AGRN: variants seen among roughly 807,000 people sequenced by gnomAD.
The protein encoded by AGRN is agrin proteoglycan.
A neutral mutation model predicts 211.0 loss-of-function variants in AGRN; 106 were observed. The ratio of observed to expected loss-of-function variants is 0.50; its 90% CI spans 0.43 to 0.59. AGRN has a LOEUF of 0.59. Ranked by LOEUF, AGRN falls within the 20% of genes least tolerant of loss-of-function variation. AGRN has a pLI of 0.00. For synonymous variants in AGRN, 1,525 were observed against 1,332.5 expected, an observed-to-expected ratio of 1.14 and a Z score of -3.15; for missense variants, 3,040 against 2,982.6, an observed-to-expected ratio of 1.02 and a Z score of -0.45.
In AGRN at chr1:1,049,448, C is replaced by T. The variant is rs1295621066; in HGVS notation, c.4511C>T (p.Ala1504Val). ...GGCGGCGTACCCGAGGACCAGGCTG[C>T]CGTGTGAGTCCCTTGGAGGGTGGTG... is the stretch of plus-strand genomic sequence containing the variant. ...FVGGVPEDQAAVALERTFVGA... is the reference protein window; with the variant it reads ...FVGGVPEDQAVVALERTFVGA... The change falls in exon 25 of 36, where the codon GCC becomes GTC. Residue 1504 changes from alanine (A) to valine (V), a missense_variant. Coordinates refer to ENST00000379370, the MANE Select transcript of AGRN (RefSeq NM_198576.4). 3 of 1,599,724 alleles carry T rather than the reference C, an allele frequency of 1.9e-6. No individual in the cohort carries two copies. In the African/African-American group the frequency reaches 4.0e-5, roughly 21 times the overall value.
At position 1,048,240 on chromosome 1, in the gene AGRN, A is replaced by G. The variant is rs1003669803; in HGVS notation, c.3980A>G (p.Gln1327Arg). 25 of 1,543,920 alleles carry G rather than the reference A, an allele frequency of 1.6e-5. No individual in the cohort carries two copies. The highest frequency in any genetic ancestry group is 1.9e-5 in the Non-Finnish European group (22 of 1,143,598). Residue 1327 changes from glutamine (Q) to arginine (R), a missense_variant, in exon 23 of 36, where the codon CAG becomes CGG. By Grantham distance (43) the Gln-to-Arg change is conservative. Around this residue, in one of 3 missense-constraint regions of AGRN, gnomAD observed 1,537 missense variants for 1,505.0 expected, o/e 1.02. Coordinates refer to ENST00000379370, the MANE Select transcript of AGRN (RefSeq NM_198576.4). The surrounding 1 kb of genome is among the most constrained non-coding windows in gnomAD (Gnocchi z 5.9). The stretch of plus-strand genomic sequence containing the variant: ...CCCGGACGTCGGCCCCCGGCCCCCC[A>G]GCAGCCTCCAAAGCCCTGTGACTCA... ...RVPGRRPPAP[Q>R]QPPKPCDSQP...
intron 3 of AGRN, among the ~76,000 whole-genome samples, chr1:1,038,390 A>G (rs965905428): frequency 6.6e-6 from 1 of 152,208 alleles, no homozygotes; most frequent in South Asian, 2.1e-4. Context: ...CCTGTCCCTA[A>G]GGTACCTCTA....
intron 2 of AGRN, chr1:1,034,559 C>T (rs1644754432): frequency 2.0e-6 from 2 of 986,424 alleles, no homozygotes; most frequent in Non-Finnish European, 2.4e-6. Context: ...CCGGGCCATG[C>T]CTCCGCTGCC....
chr1:1,051,618 G>A lies in AGRN; in HGVS notation c.5536G>A (p.Gly1846Arg). Residue 1846 changes from glycine to arginine, a missense_variant, in exon 32 of 36, where the codon GGA (glycine) becomes AGA (arginine). Coordinates refer to ENST00000379370, the MANE Select transcript of AGRN (RefSeq NM_198576.4). Reference sequence around the variant, plus strand: ...TGCCTATGTGTGCCTGTGTCCCGGGGGATTCTCAGGACCGCACTGCGAGAA... The same window carrying A: ...TGCCTATGTGTGCCTGTGTCCCGGGAGATTCTCAGGACCGCACTGCGAGAA... ...EAAYVCLCPGGFSGPHCEKGL... is the reference protein window; with the variant it reads ...EAAYVCLCPGRFSGPHCEKGL... The A allele has an allele frequency of 6.2e-7, 1 of 1,610,072 alleles. No homozygotes were observed. Among genetic ancestry groups the A allele is most frequent in the Non-Finnish European group, 8.5e-7 (1 of 1,178,042 alleles).
In AGRN at chr1:1,047,339, T is replaced by G; in HGVS notation, c.3401T>G (p.Phe1134Cys). 1 of 1,605,112 alleles carries G rather than the reference T, an allele frequency of 6.2e-7. No individual in the cohort carries two copies. The highest frequency in any genetic ancestry group is 8.5e-7 in the Non-Finnish European group (1 of 1,176,288). The change falls in exon 20 of 36, where the codon TTC (phenylalanine) becomes TGC (cysteine). Residue 1134 changes from phenylalanine to cysteine, a missense_variant. By Grantham distance (205) the Phe-to-Cys change is radical. Around this residue, in one of 3 missense-constraint regions of AGRN, gnomAD observed 1,537 missense variants for 1,505.0 expected, o/e 1.02. Coordinates refer to ENST00000379370, the MANE Select transcript of AGRN (RefSeq NM_198576.4). ...EGSNCPATKV[F>C]QGVLELEGVE... ...ACCTCCCCCACAGCCACCAAGGTGT[T>G]CCAGGGCGTCCTGGAGCTGGAGGGC...
At chr1:1,030,367 T>A (rs1644636010) in intron 2 of AGRN, among the ~76,000 whole-genome samples, 1 of 117,530 alleles carries the variant, frequency 8.5e-6, no homozygotes, top group African/African-American at 3.2e-5. Flanking sequence ...TGGTGCTGTG[T>A]GAGATCAGCA....
At chr1:1,038,302 C>G (rs1401108471) in intron 3 of AGRN, among the ~76,000 whole-genome samples, 1 of 152,180 alleles carries the variant, frequency 6.6e-6, no homozygotes, top group Non-Finnish European at 1.5e-5. Context: ...AGTGCTCAGC[C>G]TGGCTTCAAG....
At position 1,051,802 on chromosome 1, in the gene AGRN, G is replaced by T. The variant is rs748433532; in HGVS notation, c.5638G>T (p.Ala1880Ser). Reference protein sequence around the residue: ...DGRTFVEYLNAVTESEKALQS... With the variant: ...DGRTFVEYLNSVTESEKALQS... The stretch of plus-strand genomic sequence containing the variant: ...GCGGACCTTTGTCGAGTACCTCAAC[G>T]CTGTGACCGAGAGGTAACGTGCCAT... Residue 1880 changes from alanine to serine, a missense_variant, in exon 33 of 36, where the codon GCT becomes TCT. Physicochemically the swap from Ala to Ser is moderately conservative, Grantham distance 99. Transcript: ENST00000379370. 23 of 1,613,598 alleles carry T rather than the reference G, an allele frequency of 1.4e-5. No homozygotes were observed. The South Asian group carries it at 2.4e-4, about 17-fold the overall frequency.
chr1:1,052,371 CTG>C (rs1035417514), intron 33 of AGRN: 99 of 340,288 alleles, frequency 2.9e-4, no homozygotes, highest in African/African-American at 2.0e-3. Context: ...GAATATCCAG[CTG>C]TGTGTGTGCA....
At chr1:1,054,601 T>G in intron 35 of AGRN, 50 bp downstream of exon 35, 3 of 1,546,578 alleles carry the variant, frequency 1.9e-6, no homozygotes, top group South Asian at 1.2e-5. Context: ...TCTCATGATA[T>G]CCGAGGGACA....
At chr1:1,054,326 A>G (rs1191839910) in intron 34 of AGRN, 122 bp from the exon 35 acceptor site, 1 of 923,788 alleles carries the variant, frequency 1.1e-6, no homozygotes, top group Non-Finnish European at 1.7e-6. Context: ...CCCAGGGGTG[A>G]TACCTCGGGG....
At chr1:1,030,258 AGC>A (rs1644633052) in intron 2 of AGRN, among the ~76,000 whole-genome samples, 2 of 80,172 alleles carry the variant, frequency 2.5e-5, no homozygotes, top group African/African-American at 5.5e-5. Flanking sequence ...CTGTGAGATC[AGC>A]GTGTGTGTGT....
At chr1:1,033,179 G>A (rs1644710948) in intron 2 of AGRN, among the ~76,000 whole-genome samples, 1 of 151,992 alleles carries the variant, frequency 6.6e-6, no homozygotes, top group Admixed American at 6.5e-5. Context: ...GCATGACCCC[G>A]CCCCGCGCGG....
intron 3 of AGRN, among the ~76,000 whole-genome samples, chr1:1,036,358 A>T (rs1280605315): frequency 6.6e-6 from 1 of 152,060 alleles, no homozygotes; most frequent in Non-Finnish European, 1.5e-5. Flanking sequence ...TCTGAAAGAT[A>T]GGGTGGGGTC....
chr1:1,050,884 C>T (rs1370104970), intron 30 of AGRN, 47 bp downstream of exon 30: 3 of 1,520,756 alleles, frequency 2.0e-6, no homozygotes, highest in African/African-American at 1.4e-5. Context: ...GCCTGCTCTT[C>T]CTCCTCGGGC....
At position 1,050,246 on chromosome 1, in the gene AGRN, C is replaced by T. The variant is rs139400715; in HGVS notation, c.4893C>T (p.Asp1631=). Residue 1631 remains aspartate, a synonymous_variant, in exon 28 of 36, where the codon GAC becomes GAT. Transcript: ENST00000379370. ...GTFCQTASGQ[D]GSGPFLADFN... ...CTCTCCCTACAGCCTCGGGGCAGGA[C>T]GGCTCTGGGCCCTTCCTGGCTGACT... The T allele has an allele frequency of 1.2e-3, 2,008 of 1,613,126 alleles. 23 individuals carry two copies. The African/African-American group carries it at 0.024, about 19-fold the overall frequency.
chr1:1,020,252 C>T lies in AGRN; in HGVS notation c.80C>T (p.Ala27Val). The T allele has an allele frequency of 6.9e-7, 1 of 1,457,156 alleles. No individual in the cohort carries two copies. The highest frequency in any genetic ancestry group is 9.1e-7 in the Non-Finnish European group (1 of 1,104,518). 90.3% of individuals were successfully genotyped at this position (1,457,156 alleles called of 1,614,324 possible). The change falls in exon 1 of 36, where the codon GCC becomes GTC. Residue 27 changes from alanine (A) to valine (V), a missense_variant. Ala to Val is a moderately conservative substitution (Grantham distance 64). This residue lies in a region of AGRN where 1,498 missense variants were observed against 1,457.8 expected (regional missense o/e 1.03). Transcript: ENST00000379370. Reference protein sequence around the residue: ...LVVAACVLPGAGGTCPERALE... With the variant: ...LVVAACVLPGVGGTCPERALE... ...GTGGCCGCGTGCGTCCTGCCCGGAG[C>T]CGGCGGGACATGCCCGGAGCGCGCG...
chr1:1,045,351 C>T lies in AGRN; in HGVS notation c.2372-8C>T, dbSNP rs1645060810. ...GCCACGTGACCTTGTCCTGCCCTGG[C>T]CTTTCAGGTGCCTGCCAGTGCAACC... On this transcript the variant is annotated splice_region_variant and splice_polypyrimidine_tract_variant and intron_variant, in intron 13 of 35. Transcript: ENST00000379370. The T allele has an allele frequency of 1.2e-6, 2 of 1,611,804 alleles. No individual in the cohort carries two copies. The highest frequency in any genetic ancestry group is 1.7e-6 in the Non-Finnish European group (2 of 1,179,916).
rs901495886 is a variant in AGRN, at chr1:1,047,086, C to T, written c.3388+129C>T. 78 of 1,446,764 alleles carry T rather than the reference C, an allele frequency of 5.4e-5. 1 individual carries two copies. The highest frequency in any genetic ancestry group is 7.1e-5 in the Non-Finnish European group (76 of 1,077,068). The allele number at this position is 1,446,764 out of a possible 1,614,324, so 89.6% of individuals were successfully genotyped here. A position where few individuals can be genotyped will look rare whatever the true frequency, so the allele number is the denominator to read the frequency against. On this transcript the variant is annotated intron_variant, in intron 19 of 35. Transcript: ENST00000379370. Reference sequence around the variant, plus strand: ...GGGACTCGGCCCCCTCAAACATGTGCGTGCCGGGGACCCCACGCCTAACCC... The same window carrying T: ...GGGACTCGGCCCCCTCAAACATGTGTGTGCCGGGGACCCCACGCCTAACCC...
Sources: allele counts gnomAD v4.1 joint callset (sites outside exome capture counted in the v4.1 genomes callset), GRCh38; gene constraint gnomAD v4.1.1; regional missense constraint gnomAD v4.1.1; non-coding constraint Gnocchi (gnomAD v3.1); transcripts MANE v1.5; gene names NCBI Gene and HGNC (gene_info 2026-07-23, HGNC 2026-07-21).